SPINK5: variants seen among roughly 807,000 people sequenced by gnomAD.
The protein encoded by SPINK5 is serine peptidase inhibitor Kazal type 5, also known as serine protease inhibitor Kazal-type 5.
A neutral mutation model predicts 151.8 loss-of-function variants in SPINK5; 125 were observed. That is an observed-to-expected ratio of 0.82 (90% CI 0.71 to 0.96). SPINK5 has a LOEUF of 0.96. Ranked by LOEUF, SPINK5 falls within the 40% of genes least tolerant of loss-of-function variation. The pLI, the probability that SPINK5 is intolerant of heterozygous loss-of-function variation, is 0.00. For synonymous variants in SPINK5, 374 were observed against 395.3 expected (o/e 0.95, Z 0.64); for missense variants, 1,194 against 1,291.9 (o/e 0.92, Z 1.16).
intron 32 of SPINK5, among the ~76,000 whole-genome samples, chr5:148,135,363 T>C (rs1420887778): frequency 6.6e-6 from 1 of 152,150 alleles, no homozygotes; most frequent in African/African-American, 2.4e-5. Flanking sequence ...CCTGTAACTC[T>C]CATCCTGTGT....
intron 5 of SPINK5, among the ~76,000 whole-genome samples, chr5:148,087,727 C>G (rs1753198991): frequency 6.6e-6 from 1 of 151,732 alleles, no homozygotes. Context: ...GAAAGTTTCT[C>G]TCCCCTAATT....
At chr5:148,134,427 G>GA (rs1473006812) in intron 32 of SPINK5, among the ~76,000 whole-genome samples, 2 of 152,136 alleles carry the variant, frequency 1.3e-5, no homozygotes, top group African/African-American at 4.8e-5. Context: ...TATGTAACAT[G>GA]AAAAAATAGG....
chr5:148,123,729 G>GTT, intron 26 of SPINK5, 104 bp from the exon 27 acceptor site: 1 of 1,520,302 alleles, frequency 6.6e-7, no homozygotes. Flanking sequence ...TCACTTCTCT[G>GTT]TTTTTTTCCT....
intron 18 of SPINK5, among the ~76,000 whole-genome samples, chr5:148,110,722 G>C (rs182532757): frequency 3.9e-5 from 6 of 151,922 alleles, no homozygotes; most frequent in African/African-American, 1.5e-4. Flanking sequence ...ATCACACACC[G>C]GGGCCTGTTT....
chr5:148,103,413 T>A (rs577056183), intron 15 of SPINK5, among the ~76,000 whole-genome samples: 8 of 152,178 alleles, frequency 5.3e-5, no homozygotes, highest in Non-Finnish European at 1.0e-4. Context: ...CTTAGTGAAG[T>A]CTTTCAGCCT....
Position 148,120,085 on chromosome 5 carries a change from G to T in SPINK5, c.2390G>T (p.Gly797Val), listed in dbSNP as rs1170375768. 1.2e-6 allele frequency: 2 copies of T among 1,614,072 alleles called. No homozygotes were observed. Among genetic ancestry groups the T allele is most frequent in the Non-Finnish European group, 1.7e-6 (2 of 1,179,942 alleles). Residue 797 changes from glycine to valine, a missense_variant, in exon 25 of 33, where the codon GGT becomes GTT. By Grantham distance (109) the Gly-to-Val change is moderately radical. Transcript: ENST00000256084. The part of the protein sequence containing the change: ...ICTRESDPVR[G>V]PDGKTHGNKC... ...ACTCGAGAAAGTGACCCTGTCCGGG[G>T]TCCAGATGGCAAGACACATGGCAAT...
At position 148,107,106 on chromosome 5, in the gene SPINK5, G is replaced by C; in HGVS notation, c.1549G>C (p.Val517Leu). Residue 517 changes from valine (V) to leucine (L), a missense_variant, in exon 17 of 33, where the codon GTC (valine) becomes CTC (leucine). By Grantham distance (32) the Val-to-Leu change is conservative. Transcript: ENST00000256084. ...TATATGCACCAGGGAGCATAATCCT[G>C]TCCGTGGCCCAGATGGCAAAATGCA... is the stretch of plus-strand genomic sequence containing the variant. ...TLICTREHNP[V>L]RGPDGKMHGN... 1 of 1,613,492 alleles carries C rather than the reference G, an allele frequency of 6.2e-7. No homozygotes were observed. Among genetic ancestry groups the C allele is most frequent in the Non-Finnish European group, 8.5e-7 (1 of 1,179,634 alleles).
At chr5:148,070,902 A>G (rs1256327236) in intron 3 of SPINK5, among the ~76,000 whole-genome samples, 1 of 152,096 alleles carries the variant, frequency 6.6e-6, no homozygotes, top group East Asian at 1.9e-4. Flanking sequence ...TAAGCAAGGT[A>G]TACCCTGATT....
In SPINK5 at chr5:148,114,371, G is replaced by T. The variant is rs754319450; in HGVS notation, c.1897G>T (p.Asp633Tyr). The change falls in exon 21 of 33, where the codon GAT (aspartate) becomes TAT (tyrosine). Residue 633 changes from aspartate (D) to tyrosine (Y), a missense_variant. Transcript: ENST00000256084. ...TTTCTTTTCCTTTTAGGAGACATGCGATGAATTTCGGAGACTTTTGCAAAA... is the reference window on the plus strand; with the variant it reads ...TTTCTTTTCCTTTTAGGAGACATGCTATGAATTTCGGAGACTTTTGCAAAA... The part of the protein sequence containing the change: ...VKREAEKETC[D>Y]EFRRLLQNGK... 3 of 1,611,586 alleles carry T rather than the reference G, an allele frequency of 1.9e-6. No homozygotes were observed. The highest frequency in any genetic ancestry group is 2.5e-6 in the Non-Finnish European group (3 of 1,178,962).
intron 3 of SPINK5, 119 bp from the exon 4 acceptor site, chr5:148,072,029 T>G (rs1752751820): frequency 1.1e-6 from 1 of 911,796 alleles, no homozygotes; most frequent in Non-Finnish European, 1.8e-6. Context: ...ATGCTACCAA[T>G]TTTGACATGC....
intron 26 of SPINK5, among the ~76,000 whole-genome samples, chr5:148,123,002 G>A (rs1754312723): frequency 6.6e-6 from 1 of 150,650 alleles, no homozygotes; most frequent in Admixed American, 6.7e-5. Context: ...GGAATACTGA[G>A]TGCACTCATA....
intron 4 of SPINK5, among the ~76,000 whole-genome samples, chr5:148,076,100 G>A (rs1752873881): frequency 6.6e-6 from 1 of 151,786 alleles, no homozygotes. Context: ...AAATGTCCCA[G>A]TGAGAAGCAA....
intron 12 of SPINK5, among the ~76,000 whole-genome samples, chr5:148,099,694 A>G (rs146184600): frequency 2.6e-5 from 4 of 152,144 alleles, no homozygotes; most frequent in African/African-American, 9.6e-5. Context: ...CCAACGCATG[A>G]TTTTTATCCC....
chr5:148,069,502 A>G (rs1752680417), intron 2 of SPINK5, among the ~76,000 whole-genome samples: 1 of 149,992 alleles, frequency 6.7e-6, no homozygotes, highest in South Asian at 2.1e-4. Flanking sequence ...AGAGAGAGAA[A>G]GCCTTATGCA....
chr5:148,100,780 G>C (rs1367665774), intron 13 of SPINK5, among the ~76,000 whole-genome samples, 199 bp downstream of exon 13: 1 of 152,176 alleles, frequency 6.6e-6, no homozygotes, highest in Non-Finnish European at 1.5e-5. Context: ...TAAGCAAGGA[G>C]AAAGTCATAA....
chr5:148,116,611 A>T (rs1754099917), intron 22 of SPINK5, 145 bp downstream of exon 22: 2 of 776,874 alleles, frequency 2.6e-6, no homozygotes, highest in African/African-American at 3.5e-5. Flanking sequence ...GCAGGGTAAG[A>T]TATCAGCACA....
At chr5:148,123,384 TTA>T (rs72219001) in intron 26 of SPINK5, among the ~76,000 whole-genome samples, 57,883 of 129,296 alleles carry the variant, frequency 0.45, 14,005 homozygotes, top group Non-Finnish European at 0.57. Context: ...CATAACAAGA[TTA>T]TATATATATA....
At chr5:148,112,545 C>T (rs7707841) in intron 19 of SPINK5, among the ~76,000 whole-genome samples, 83,704 of 151,708 alleles carry the variant, frequency 0.55, 24,584 homozygotes, top group East Asian at 0.8. Context: ...TGGTGGTGCA[C>T]GCATGTAGTC....
intron 15 of SPINK5, among the ~76,000 whole-genome samples, chr5:148,103,488 A>G (rs1753700091): frequency 6.6e-6 from 1 of 152,170 alleles, no homozygotes; most frequent in African/African-American, 2.4e-5. Context: ...CTTAGTGGTC[A>G]TCTTTGCTGC....
Sources: gnomAD v4.1 joint callset for allele counts (sites outside exome capture counted in the v4.1 genomes callset) on GRCh38, gnomAD v4.1.1 for gene constraint, MANE v1.5 for transcripts, NCBI Gene and HGNC (gene_info 2026-07-23, HGNC 2026-07-21) for gene names.